The following MLLT1 variants were observed in gnomAD, a reference collection of about 807,000 sequenced individuals.
MLLT1 encodes the protein protein ENL.
MLLT1 carries 11 observed loss-of-function variants against 55.1 expected under a neutral mutation model. The observed-to-expected ratio is 0.20, with a 90% CI of 0.13 to 0.33. MLLT1 has a LOEUF of 0.33. Among genes scored for constraint, MLLT1 ranks in the 10% least tolerant of loss-of-function variants. The pLI is 1.00. For missense variants in MLLT1, 536 were observed against 760.6 expected, an observed-to-expected ratio of 0.70 and a Z score of 3.47; for synonymous variants, 323 against 320.1, an observed-to-expected ratio of 1.01 and a Z score of -0.10.
Position 6,262,423 on chromosome 19 carries a change from G to A in MLLT1, c.194-113C>T. 1.2e-6 allele frequency: 1 copy of A among 810,766 alleles called. No homozygotes were observed. Among genetic ancestry groups the A allele is most frequent in the Non-Finnish European group, 2.0e-6 (1 of 509,812 alleles). 50.2% of individuals were successfully genotyped at this position (810,766 alleles called of 1,614,324 possible). A position where few individuals can be genotyped will look rare whatever the true frequency, so the allele number is the denominator to read the frequency against. On this transcript the variant is annotated intron_variant, in intron 2 of 11. Coordinates refer to ENST00000252674, the MANE Select transcript of MLLT1 (RefSeq NM_005934.4). This position sits in a 1 kb window ranked among gnomAD's most constrained non-coding sequence, Gnocchi z 4.4. ...ACCACCTCCTCACAGGGGCTTGGCT[G>A]GCCTCTCGGGGGTGGCTTTTCAGGA... is the stretch of plus-strand genomic sequence containing the variant.
rs753566659 is a variant in MLLT1 at position 6,270,541 on chromosome 19, G to A, written c.193+38C>T. 2 of 1,583,014 alleles carry A rather than the reference G, an allele frequency of 1.3e-6. No individual in the cohort carries two copies. The highest frequency in any genetic ancestry group is 1.7e-6 in the Non-Finnish European group (2 of 1,164,800). On this transcript the variant is annotated intron_variant, in intron 2 of 11. Coordinates refer to ENST00000252674, the MANE Select transcript of MLLT1 (RefSeq NM_005934.4). The surrounding 1 kb of genome is among the most constrained non-coding windows in gnomAD (Gnocchi z 7.1). Reference sequence around the variant, plus strand: ...CCTTGGGAGGAGTGAAGACAGATGGGTCCGTGCTGTGGGCACTCAGGGCTT... The same window carrying A: ...CCTTGGGAGGAGTGAAGACAGATGGATCCGTGCTGTGGGCACTCAGGGCTT...
rs2090958022 is a variant in MLLT1, at chr19:6,226,465, C to T, written c.546+512G>A. Reference sequence around the variant, plus strand: ...AGATGAGACCGTAAAAAGTTTCTTCCACACTGAAATTCAGCTGGCACCCAC... The same window carrying T: ...AGATGAGACCGTAAAAAGTTTCTTCTACACTGAAATTCAGCTGGCACCCAC... On this transcript the variant is annotated intron_variant, in intron 5 of 11. Transcript: ENST00000252674. The surrounding 1 kb of genome is among the most constrained non-coding windows in gnomAD (Gnocchi z 6.3). 6.6e-6 allele frequency among the ~76,000 whole-genome samples: 1 copy of T among 152,158 alleles called. No individual in the cohort carries two copies. The highest frequency in any genetic ancestry group is 2.1e-4 in the South Asian group (1 of 4,834).
At chr19:6,277,073 G>A (rs927624787) in intron 1 of MLLT1, among the ~76,000 whole-genome samples, 2 of 152,184 alleles carry the variant, frequency 1.3e-5, no homozygotes, top group Non-Finnish European at 2.9e-5. Context: ...TAGTGGGAGC[G>A]GAAGCCCGGG....
chr19:6,230,293 G>A lies in MLLT1; in HGVS notation c.420+277C>T, dbSNP rs369178421. On this transcript the variant is annotated intron_variant, in intron 4 of 11. Coordinates refer to ENST00000252674, the MANE Select transcript of MLLT1 (RefSeq NM_005934.4). The surrounding 1 kb of genome is among the most constrained non-coding windows in gnomAD (Gnocchi z 9.0). ...CCAGCCACGCGGTCAGACCAGCCTC[G>A]CGCCCATCCCTTCCCAGCACTTCCT... 4.6e-5 allele frequency among the ~76,000 whole-genome samples: 7 copies of A among 152,154 alleles called. No individual in the cohort carries two copies. Among genetic ancestry groups the A allele is most frequent in the Non-Finnish European group, 7.4e-5 (5 of 68,018 alleles).
rs111731371 is a variant in MLLT1, at chr19:6,212,911, G to C, written c.*131C>G. ...GGAGCCGCCGAGGAAAGTGCAGCGG[G>C]CTGTGCGGGCGAGGACAGGGCTGTC... On this transcript the variant is annotated 3_prime_UTR_variant, in exon 12 of 12. Transcript: ENST00000252674. The C allele has an allele frequency of 5.7e-4, 686 of 1,201,634 alleles. 2 individuals are homozygous for C. In the African/African-American group the frequency reaches 9.4e-3, roughly 16 times the overall value. The allele number at this position is 1,201,634 out of a possible 1,614,324, so 74.4% of individuals were successfully genotyped here.
intron 6 of MLLT1, among the ~76,000 whole-genome samples, chr19:6,220,015 T>C (rs1320877129): frequency 6.6e-6 from 1 of 152,172 alleles, no homozygotes; most frequent in Non-Finnish European, 1.5e-5. Context: ...CGGAGCAGAC[T>C]GGGTCCACGA....
At chr19:6,220,319 G>A (rs1285778671) in intron 6 of MLLT1, among the ~76,000 whole-genome samples, 4 of 152,256 alleles carry the variant, frequency 2.6e-5, no homozygotes, top group Non-Finnish European at 5.9e-5. Flanking sequence ...GGGAAGAGGC[G>A]TCAGGGACTC....
At chr19:6,272,753 T>G (rs1333990659) in intron 1 of MLLT1, among the ~76,000 whole-genome samples, 1 of 152,198 alleles carries the variant, frequency 6.6e-6, no homozygotes, top group East Asian at 1.9e-4. Flanking sequence ...GAGTTCTAAA[T>G]GCTGCTTTTG....
At chr19:6,236,774 G>A (rs915599521) in intron 3 of MLLT1, among the ~76,000 whole-genome samples, 3 of 152,230 alleles carry the variant, frequency 2.0e-5, no homozygotes, top group African/African-American at 7.2e-5. Flanking sequence ...TGGGATAGCA[G>A]CTCCTTCATG....
At chr19:6,238,353 G>A (rs1020196721) in intron 3 of MLLT1, among the ~76,000 whole-genome samples, 2 of 152,176 alleles carry the variant, frequency 1.3e-5, no homozygotes, top group African/African-American at 4.8e-5. Flanking sequence ...TAGGGTTTTT[G>A]TTTTAAGAAT....
chr19:6,220,407 C>T (rs943771072), intron 6 of MLLT1, among the ~76,000 whole-genome samples: 10 of 152,246 alleles, frequency 6.6e-5, no homozygotes, highest in South Asian at 6.2e-4. Flanking sequence ...CCTCTCAGCA[C>T]GCGGGGCGCT....
At chr19:6,218,183 G>A (rs895165920) in intron 6 of MLLT1, 142 bp from the exon 7 acceptor site, 7 of 1,297,792 alleles carry the variant, frequency 5.4e-6, no homozygotes, top group South Asian at 1.5e-5. Flanking sequence ...GTACCCACGT[G>A]TGCCGCTGAG....
At chr19:6,264,645 CT>C (rs2091331791) in intron 2 of MLLT1, among the ~76,000 whole-genome samples, 1 of 152,084 alleles carries the variant, frequency 6.6e-6, no homozygotes, top group Non-Finnish European at 1.5e-5. Flanking sequence ...CAGCTCACAC[CT>C]GTAATCCTAG....
chr19:6,273,665 C>T lies in MLLT1; in HGVS notation c.13-2906G>A, dbSNP rs2091411349. ...TTCGCTAGAAAACAGGAAGGCAACC[C>T]CTGTCCCGCTGGGAGCATTACAGGT... On this transcript the variant is annotated intron_variant, in intron 1 of 11. Coordinates refer to ENST00000252674, the MANE Select transcript of MLLT1 (RefSeq NM_005934.4). This position sits in a 1 kb window ranked among gnomAD's most constrained non-coding sequence, Gnocchi z 4.3. Among the ~76,000 whole-genome samples the T allele has an allele frequency of 6.6e-6, 1 of 152,184 alleles. No homozygotes were observed. Among genetic ancestry groups the T allele is most frequent in the Non-Finnish European group, 1.5e-5 (1 of 68,030 alleles).
intron 3 of MLLT1, among the ~76,000 whole-genome samples, chr19:6,258,156 A>C (rs1241348814): frequency 6.6e-6 from 1 of 152,210 alleles, no homozygotes; most frequent in East Asian, 1.9e-4. Context: ...AGAGGAACTG[A>C]AAACGGGCAC....
In MLLT1 at chr19:6,212,882, GCAGGGAGCCGCCGAGGAA is replaced by G; in HGVS notation, c.*142_*159del. The G allele has an allele frequency of 9.5e-7, 1 of 1,047,484 alleles. No individual in the cohort carries two copies. 64.9% of individuals were successfully genotyped at this position (1,047,484 alleles called of 1,614,324 possible). A position where few individuals can be genotyped will look rare whatever the true frequency, so the allele number is the denominator to read the frequency against. On this transcript the variant is annotated 3_prime_UTR_variant, in exon 12 of 12. Transcript: ENST00000252674. ...CCTGGCGATGGAGCGGGGAGAGTGGGCAGGGAGCCGCCGAGGAAAGTGCAGCGGGCTGTGCGGGCGAGG... is the reference window on the plus strand; with the variant it reads ...CCTGGCGATGGAGCGGGGAGAGTGGGAGTGCAGCGGGCTGTGCGGGCGAGG...
At chr19:6,218,067 G>A in intron 6 of MLLT1, 26 bp from the exon 7 acceptor site, 1 of 1,589,410 alleles carries the variant, frequency 6.3e-7, no homozygotes, top group African/African-American at 1.4e-5. Context: ...GGATGGGCAG[G>A]GAGGGGAGAA....
At chr19:6,274,050 C>T (rs535517751) in intron 1 of MLLT1, among the ~76,000 whole-genome samples, 2 of 152,368 alleles carry the variant, frequency 1.3e-5, no homozygotes, top group East Asian at 1.9e-4. Context: ...GCTGCCCAGG[C>T]GACACTGATG....
chr19:6,228,032 T>C (rs868204231), intron 4 of MLLT1, among the ~76,000 whole-genome samples: 6 of 152,216 alleles, frequency 3.9e-5, no homozygotes, highest in Non-Finnish European at 7.3e-5. Flanking sequence ...ACTGATGTCA[T>C]GCGGCCATGG....
Sources: gnomAD v4.1 joint callset for allele counts (sites outside exome capture counted in the v4.1 genomes callset) on GRCh38, gnomAD v4.1.1 for gene constraint, Gnocchi (gnomAD v3.1) non-coding constraint, MANE v1.5 for transcripts, NCBI Gene and HGNC (gene_info 2026-07-23, HGNC 2026-07-21) for gene names.